Variants in ASIC2 observed in about 807,000 individuals in gnomAD.
ASIC2 encodes acid-sensing ion channel 2.
A neutral mutation model predicts 57.3 loss-of-function variants in ASIC2; 25 were observed. The ratio of observed to expected loss-of-function variants is 0.44; its 90% confidence interval spans 0.32 to 0.61. The LOEUF is 0.61. ASIC2 is among the 20% of genes least tolerant of loss of function. The pLI is 0.06. For missense variants in ASIC2, 641 were observed against 738.1 expected, an observed-to-expected ratio of 0.87 and a Z score of 1.52; for synonymous variants, 319 against 307.5, an observed-to-expected ratio of 1.04 and a Z score of -0.39.
At chr17:33,870,560 T>C (rs958441836) in intron 1 of ASIC2, among the ~76,000 whole-genome samples, 1 of 151,964 alleles carries the variant, frequency 6.6e-6, no homozygotes, top group Non-Finnish European at 1.5e-5. Context: ...CCCAGTTTTC[T>C]AGCTTAAGCA....
intron 3 of ASIC2, among the ~76,000 whole-genome samples, chr17:33,054,216 C>G (rs1316434154): frequency 6.6e-6 from 1 of 152,180 alleles, no homozygotes; most frequent in East Asian, 1.9e-4. Flanking sequence ...TATTGCCTGA[C>G]ATGCCCATCT....
intron 1 of ASIC2, among the ~76,000 whole-genome samples, chr17:33,232,662 C>T (rs1433177710): frequency 1.3e-5 from 2 of 152,230 alleles, no homozygotes; most frequent in Non-Finnish European, 2.9e-5. Flanking sequence ...GTCAATCCTA[C>T]AACCTAAATG....
rs1009477848 is a variant in ASIC2, at chr17:33,526,676, G to T, written c.556-414609C>A. ...CAGGCCCTTATACAGCCAGGGCATT[G>T]GTGGTACTCTGGGCAGGCTATGAGA... On this transcript the variant is annotated intron_variant, in intron 1 of 9. Transcript: ENST00000359872. Among the ~76,000 whole-genome samples the T allele has an allele frequency of 4.8e-4, 73 of 152,286 alleles. 1 individual carries two copies. The highest frequency in any genetic ancestry group is 1.6e-3 in the African/African-American group (68 of 41,568).
intron 1 of ASIC2, among the ~76,000 whole-genome samples, chr17:34,034,425 C>T (rs373709326): frequency 2.0e-5 from 3 of 152,076 alleles, no homozygotes; most frequent in Non-Finnish European, 2.9e-5. Flanking sequence ...GGCAAAAACT[C>T]GAAGCATTCC....
At chr17:34,088,314 C>G (rs1470929807) in intron 1 of ASIC2, among the ~76,000 whole-genome samples, 1 of 152,178 alleles carries the variant, frequency 6.6e-6, no homozygotes, top group South Asian at 2.1e-4. Context: ...CACTCCAGAC[C>G]CTGTTTGCCT....
chr17:34,011,003 C>CAGACACGCACAG (rs1906704132), intron 1 of ASIC2, among the ~76,000 whole-genome samples: 11 of 58,890 alleles, frequency 1.9e-4, no homozygotes, highest in South Asian at 5.8e-4. Context: ...GTCAGACACA[C>CAGACACGCACAG]ACACACACAG....
chr17:34,087,353 T>C (rs1910148547), intron 1 of ASIC2, among the ~76,000 whole-genome samples: 1 of 152,102 alleles, frequency 6.6e-6, no homozygotes. Context: ...TCTTTAAGAA[T>C]GTTGAATATT....
chr17:33,288,060 C>A (rs1302538345), intron 1 of ASIC2, among the ~76,000 whole-genome samples: 7 of 152,162 alleles, frequency 4.6e-5, no homozygotes, highest in African/African-American at 1.7e-4. Flanking sequence ...ACTTGTCAAG[C>A]TGTCTGTTGG....
chr17:33,509,658 G>C (rs566561669), intron 1 of ASIC2, among the ~76,000 whole-genome samples: 2 of 152,240 alleles, frequency 1.3e-5, no homozygotes, highest in Admixed American at 6.5e-5. Context: ...GTCAGGCCCC[G>C]CAGAGAGAAG....
chr17:33,972,797 T>C (rs1423988204), intron 1 of ASIC2, among the ~76,000 whole-genome samples: 1 of 152,220 alleles, frequency 6.6e-6, no homozygotes, highest in Non-Finnish European at 1.5e-5. Context: ...TTAGGTCTCA[T>C]AACACACTGT....
intron 1 of ASIC2, among the ~76,000 whole-genome samples, chr17:33,820,149 T>G (rs1345066518): frequency 6.6e-6 from 1 of 152,236 alleles, no homozygotes; most frequent in Non-Finnish European, 1.5e-5. Context: ...AAATTTCATC[T>G]CTTTTTAATT....
At chr17:33,359,691 T>G (rs1908523949) in intron 1 of ASIC2, among the ~76,000 whole-genome samples, 1 of 152,196 alleles carries the variant, frequency 6.6e-6, no homozygotes, top group South Asian at 2.1e-4. Flanking sequence ...TTGGGGAACT[T>G]GTAGCAAAGT....
At chr17:34,147,212 C>A (rs1912444586) in intron 1 of ASIC2, among the ~76,000 whole-genome samples, 2 of 152,128 alleles carry the variant, frequency 1.3e-5, no homozygotes, top group African/African-American at 4.8e-5. Flanking sequence ...CCTTAGAAAC[C>A]ACCTAATTCC....
chr17:33,242,574 C>A (rs184386120), intron 1 of ASIC2, among the ~76,000 whole-genome samples: 7 of 152,258 alleles, frequency 4.6e-5, no homozygotes, highest in Non-Finnish European at 8.8e-5. Context: ...CTGTGTGGTT[C>A]CACAGCCAAG....
intron 1 of ASIC2, among the ~76,000 whole-genome samples, chr17:33,553,327 C>T (rs565132835): frequency 4.0e-4 from 61 of 152,062 alleles, no homozygotes; most frequent in African/African-American, 6.0e-4. Flanking sequence ...TCATAATAAC[C>T]AATTGAATGT....
intron 1 of ASIC2, among the ~76,000 whole-genome samples, chr17:33,915,037 G>T (rs532839012): frequency 6.6e-6 from 1 of 152,206 alleles, no homozygotes; most frequent in Non-Finnish European, 1.5e-5. Flanking sequence ...GCTGGCGTAC[G>T]CAGGCAACAT....
intron 1 of ASIC2, among the ~76,000 whole-genome samples, chr17:33,812,311 C>T (rs529527039): frequency 2.0e-5 from 3 of 152,202 alleles, no homozygotes; most frequent in South Asian, 2.1e-4. Flanking sequence ...AACAAGACAA[C>T]GGCTTTGAAG....
At chr17:33,416,661 C>T (rs1205142119) in intron 1 of ASIC2, among the ~76,000 whole-genome samples, 1 of 152,220 alleles carries the variant, frequency 6.6e-6, no homozygotes, top group Admixed American at 6.5e-5. Context: ...TTTTTAATAG[C>T]TGGGGGCACC....
At chr17:33,711,306 T>G (rs1909027080) in intron 1 of ASIC2, among the ~76,000 whole-genome samples, 3 of 152,204 alleles carry the variant, frequency 2.0e-5, no homozygotes, top group Admixed American at 6.5e-5. Context: ...AATGTCCCTT[T>G]TCTCTCCCAG....
Sources: gnomAD v4.1 joint callset for allele counts (sites outside exome capture counted in the v4.1 genomes callset) on GRCh38, gnomAD v4.1.1 for gene constraint, MANE v1.5 for transcripts, NCBI Gene and HGNC (gene_info 2026-07-23, HGNC 2026-07-21) for gene names.